The following METTL24 variants were observed in gnomAD, a reference collection of about 807,000 sequenced individuals.
METTL24 encodes the protein probable methyltransferase-like protein 24.
A neutral mutation model predicts 32.7 loss-of-function variants in METTL24; 29 were observed. The ratio of observed to expected loss-of-function variants is 0.89; its 90% CI spans 0.66 to 1.21. The LOEUF (loss-of-function observed/expected upper bound fraction) is 1.21. METTL24 is among the 50% of genes most tolerant of loss of function. The pLI, the probability that METTL24 is intolerant of heterozygous loss-of-function variation, is 0.00. For missense variants in METTL24, 439 were observed against 468.1 expected, an observed-to-expected ratio of 0.94 and a Z score of 0.57; for synonymous variants, 163 against 179.5, an observed-to-expected ratio of 0.91 and a Z score of 0.73.
chr6:110,262,403 C>G (rs1770753325), intron 4 of METTL24, among the ~76,000 whole-genome samples: 1 of 152,064 alleles, frequency 6.6e-6, no homozygotes. Context: ...TACACCATCC[C>G]AAGACTAAAC....
intron 4 of METTL24, among the ~76,000 whole-genome samples, chr6:110,279,309 G>T (rs1463951278): frequency 3.9e-5 from 6 of 152,134 alleles, no homozygotes; most frequent in Non-Finnish European, 2.9e-5. Context: ...GTATCAAAGA[G>T]ATACCCTAAG....
chr6:110,352,931 A>G (rs1024159658), intron 1 of METTL24, among the ~76,000 whole-genome samples: 15 of 152,234 alleles, frequency 9.9e-5, no homozygotes, highest in African/African-American at 3.6e-4. Flanking sequence ...CTGACAAGAC[A>G]TTCTTTTCCT....
At chr6:110,300,185 G>A (rs903916926) in intron 3 of METTL24, among the ~76,000 whole-genome samples, 4 of 152,074 alleles carry the variant, frequency 2.6e-5, no homozygotes, top group Admixed American at 6.6e-5. Context: ...GGAGCCTACT[G>A]ATATGAAGGG....
At chr6:110,340,710 AGAACCACTGTTCT>A (rs1184986533) in intron 1 of METTL24, among the ~76,000 whole-genome samples, 3 of 152,198 alleles carry the variant, frequency 2.0e-5, no homozygotes, top group Non-Finnish European at 2.9e-5. Context: ...AAAAGCATGG[AGAACCACTGTTCT>A]GAACACCGTT....
chr6:110,253,988 G>C (rs1778333630), intron 4 of METTL24: 1 of 1,323,856 alleles, frequency 7.6e-7, no homozygotes. Context: ...CTCAAGAGCA[G>C]CTCCCCTTTG....
chr6:110,303,463 C>T (rs910066521), intron 3 of METTL24, among the ~76,000 whole-genome samples: 12 of 152,192 alleles, frequency 7.9e-5, no homozygotes, highest in African/African-American at 2.9e-4. Flanking sequence ...ACCTGGGATG[C>T]TCAAGCTTGG....
chr6:110,256,095 G>A (rs948270608), intron 4 of METTL24, among the ~76,000 whole-genome samples: 5 of 152,180 alleles, frequency 3.3e-5, no homozygotes, highest in African/African-American at 1.2e-4. Flanking sequence ...GGGGTCAAGT[G>A]TTAGAAGCCA....
chr6:110,270,365 G>A (rs1395036719), intron 4 of METTL24, among the ~76,000 whole-genome samples: 3 of 151,964 alleles, frequency 2.0e-5, no homozygotes, highest in Non-Finnish European at 2.9e-5. Context: ...GTTGTGGGGG[G>A]AGGGGTGGGG....
chr6:110,344,644 G>A (rs1201628066), intron 1 of METTL24, among the ~76,000 whole-genome samples: 1 of 152,094 alleles, frequency 6.6e-6, no homozygotes, highest in African/African-American at 2.4e-5. Context: ...TACCTGGAAT[G>A]TATATACCCC....
At chr6:110,350,640 T>C (rs1284938814) in intron 1 of METTL24, among the ~76,000 whole-genome samples, 1 of 151,648 alleles carries the variant, frequency 6.6e-6, no homozygotes, top group Non-Finnish European at 1.5e-5. Context: ...GTCCTCGAAA[T>C]GGGGGACGGG....
intron 4 of METTL24, among the ~76,000 whole-genome samples, chr6:110,280,433 A>G (rs1481411458): frequency 7.2e-5 from 11 of 152,142 alleles, no homozygotes; most frequent in Non-Finnish European, 1.5e-4. Flanking sequence ...TCACGTATTC[A>G]GTTCCCTATT....
intron 4 of METTL24, among the ~76,000 whole-genome samples, chr6:110,259,881 C>G (rs1778458642): frequency 6.6e-6 from 1 of 152,168 alleles, no homozygotes; most frequent in East Asian, 1.9e-4. Context: ...CTGGCAAACT[C>G]CAACAGACCT....
intron 1 of METTL24, among the ~76,000 whole-genome samples, chr6:110,324,642 CCTT>C (rs1316064903): frequency 6.6e-6 from 1 of 152,220 alleles, no homozygotes; most frequent in Admixed American, 6.5e-5. Context: ...CTGAGGGACA[CCTT>C]CTGAAAGAAC....
rs539838325 is a variant in METTL24 at position 110,244,662 on chromosome 6, C to T, written c.*1284G>A. Among the ~76,000 whole-genome samples, 64 of 152,126 alleles carry T rather than the reference C, an allele frequency of 4.2e-4. No individual in the cohort carries two copies. Among genetic ancestry groups the T allele is most frequent in the African/African-American group, 1.4e-3 (60 of 41,500 alleles). On this transcript the variant is annotated 3_prime_UTR_variant, in exon 5 of 5. Transcript: ENST00000338882. ...AATGAGAGCCAAGTGAAGGGGGACA[C>T]CTCTTATAAAACCATCAGATCTCAT...
At chr6:110,305,342 T>C (rs997759453) in intron 3 of METTL24, among the ~76,000 whole-genome samples, 1 of 151,858 alleles carries the variant, frequency 6.6e-6, no homozygotes, top group Non-Finnish European at 1.5e-5. Flanking sequence ...CGAATTAAAT[T>C]AAAGAGCTTC....
intron 1 of METTL24, among the ~76,000 whole-genome samples, chr6:110,344,148 G>C (rs987197807): frequency 6.6e-6 from 1 of 152,162 alleles, no homozygotes; most frequent in African/African-American, 2.4e-5. Context: ...GCAAATCCAA[G>C]ATTTACCCCT....
At chr6:110,259,473 T>C (rs1325715810) in intron 4 of METTL24, among the ~76,000 whole-genome samples, 2 of 152,164 alleles carry the variant, frequency 1.3e-5, no homozygotes, top group African/African-American at 4.8e-5. Context: ...GCCAGGAAGC[T>C]TGAACTGGGT....
At chr6:110,357,891 T>C in intron 1 of METTL24, 64 bp downstream of exon 1, 1 of 992,488 alleles carries the variant, frequency 1.0e-6, no homozygotes, top group Non-Finnish European at 1.3e-6. Flanking sequence ...AGCGCCGGGC[T>C]CCGTAGCGCG....
At chr6:110,320,399 G>A (rs983341574) in intron 2 of METTL24, among the ~76,000 whole-genome samples, 3 of 152,118 alleles carry the variant, frequency 2.0e-5, no homozygotes, top group East Asian at 1.9e-4. Flanking sequence ...CATTACATAC[G>A]GAGGGGGAGG....
Sources: gnomAD v4.1 joint callset for allele counts (sites outside exome capture counted in the v4.1 genomes callset) on GRCh38, gnomAD v4.1.1 for gene constraint, MANE v1.5 for transcripts, NCBI Gene and HGNC (gene_info 2026-07-23, HGNC 2026-07-21) for gene names.